Variants in PGBD1 observed in about 807,000 individuals in gnomAD.
The protein encoded by PGBD1 is piggyBac transposable element-derived protein 1.
PGBD1 carries 25 observed loss-of-function variants against 34.7 expected under a neutral mutation model. The observed-to-expected ratio is 0.72, with a 90% confidence interval of 0.52 to 1.00. PGBD1 has a LOEUF of 1.00. Among genes scored for constraint, PGBD1 ranks in the 50% least tolerant of loss-of-function variants. The probability of loss-of-function intolerance (pLI) is 0.00; values close to 1 mark genes in which losing one functional copy is unlikely to be tolerated. For synonymous variants in PGBD1, 292 were observed against 335.7 expected (o/e 0.87, Z 1.42); for missense variants, 830 against 959.4 (o/e 0.87, Z 1.78).
At chr6:28,297,052 CT>C in intron 5 of PGBD1, 107 bp downstream of exon 5, 12 of 1,281,626 alleles carry the variant, frequency 9.4e-6, no homozygotes, top group Non-Finnish European at 1.3e-5. Context: ...CACACCCTTC[CT>C]TTCCCTTCTT....
chr6:28,291,600 TAGG>T (rs910813392), intron 4 of PGBD1, among the ~76,000 whole-genome samples: 1 of 149,558 alleles, frequency 6.7e-6, no homozygotes, highest in Non-Finnish European at 1.5e-5. Flanking sequence ...AAATTCATTC[TAGG>T]AGGCCAGCAT....
Position 28,301,557 on chromosome 6 carries a change from A to G in PGBD1, c.1703A>G (p.Tyr568Cys). Reference sequence around the variant, plus strand: ...AATGGAAAGCCTATTAGAATTGGCTATAAAATTTGGTGTGGTACAACCACA... The same window carrying G: ...AATGGAAAGCCTATTAGAATTGGCTGTAAAATTTGGTGTGGTACAACCACA... The part of the protein sequence containing the change: ...FLNGKPIRIG[Y>C]KIWCGTTTQG... The change falls in exon 7 of 7, where the codon TAT (tyrosine) becomes TGT (cysteine). Residue 568 changes from tyrosine (Y) to cysteine (C), a missense_variant. By Grantham distance (194) the Tyr-to-Cys change is radical. Coordinates refer to ENST00000682144, the MANE Select transcript of PGBD1 (RefSeq NM_032507.4). 6.2e-7 allele frequency: 1 copy of G among 1,614,182 alleles called. No individual in the cohort carries two copies. Among genetic ancestry groups the G allele is most frequent in the Non-Finnish European group, 8.5e-7 (1 of 1,180,028 alleles).
chr6:28,291,054 G>A (rs1266674130), intron 4 of PGBD1, among the ~76,000 whole-genome samples: 3 of 106,328 alleles, frequency 2.8e-5, no homozygotes, highest in African/African-American at 1.1e-4. Context: ...AGAAAAGCAA[G>A]AACAAACCAA....
intron 3 of PGBD1, among the ~76,000 whole-genome samples, chr6:28,286,154 C>A (rs569094852): frequency 3.4e-4 from 51 of 152,204 alleles, no homozygotes; most frequent in Admixed American, 3.1e-3. Flanking sequence ...TTTTTTCCAG[C>A]AAACTTTATT....
At chr6:28,287,206 T>C in intron 4 of PGBD1, 38 bp downstream of exon 4, 7 of 1,510,144 alleles carry the variant, frequency 4.6e-6, no homozygotes, top group Non-Finnish European at 5.5e-6. Context: ...ATATCAGTAG[T>C]GGTCTTTCTC....
At chr6:28,283,370 A>G (rs1178699962) in intron 1 of PGBD1, among the ~76,000 whole-genome samples, 1 of 152,252 alleles carries the variant, frequency 6.6e-6, no homozygotes, top group Non-Finnish European at 1.5e-5. Flanking sequence ...GACTTTGGAA[A>G]CATTCTGTTA....
rs771253486 is a variant in PGBD1 at position 28,283,923 on chromosome 6, C to T, written c.110C>T (p.Ser37Phe). The T allele has an allele frequency of 4.3e-6, 7 of 1,614,056 alleles. No homozygotes were observed. In the African/African-American group the frequency reaches 9.3e-5, roughly 22 times the overall value. The change falls in exon 2 of 7, where the codon TCC (serine) becomes TTC (phenylalanine). Residue 37 changes from serine to phenylalanine, a missense_variant. Physicochemically the swap from Ser to Phe is radical, Grantham distance 155. Around this residue, in one of 3 missense-constraint regions of PGBD1, gnomAD observed 457 missense variants for 515.4 expected, o/e 0.89. Transcript: ENST00000682144. ...EQVCNSQEGS[S>F]HTQEICRLRF... The stretch of plus-strand genomic sequence containing the variant: ...GTGTGCAACTCACAGGAGGGCAGCT[C>T]CCACACTCAGGAGATTTGCCGCCTG...
At chr6:28,297,816 GTTTTTTTTTTTTTTT>G (rs368634720) in intron 5 of PGBD1, 64 bp from the exon 6 acceptor site, 8 of 350,502 alleles carry the variant, frequency 2.3e-5, no homozygotes, top group East Asian at 5.8e-5. Context: ...TACCCTGGAA[GTTTTTTTTTTTTTTT>G]TTTTTTTTTT....
chr6:28,283,671 C>T (rs1762193437), intron 1 of PGBD1, 105 bp from the exon 2 acceptor site: 1 of 1,013,392 alleles, frequency 9.9e-7, no homozygotes, highest in Non-Finnish European at 1.4e-6. Context: ...GCATTACCTA[C>T]AGTGGGGACA....
intron 1 of PGBD1, among the ~76,000 whole-genome samples, chr6:28,282,918 C>G (rs906894701): frequency 3.9e-5 from 6 of 152,188 alleles, no homozygotes; most frequent in Non-Finnish European, 5.9e-5. Flanking sequence ...TGATGCATGT[C>G]TACTGTTTTT....
chr6:28,284,334 G>A (rs991636493), intron 2 of PGBD1, 125 bp downstream of exon 2: 6 of 1,121,216 alleles, frequency 5.4e-6, no homozygotes, highest in East Asian at 2.8e-5. Context: ...GAGAACTCCC[G>A]TAAAACTCTT....
At position 28,283,726 on chromosome 6, in the gene PGBD1, G is replaced by T. The variant is rs568347335; in HGVS notation, c.-38-50G>T. The stretch of plus-strand genomic sequence containing the variant: ...TACAGTTTTGAAGCTCTTATAATTT[G>T]CATGTTGCTGATAAATTCTTATGCC... On this transcript the variant is annotated intron_variant, in intron 1 of 6. Transcript: ENST00000682144. The T allele has an allele frequency of 2.4e-4, 342 of 1,455,208 alleles. 1 individual carries two copies. The highest frequency in any genetic ancestry group is 1.8e-4 in the Non-Finnish European group (198 of 1,091,322). The allele number at this position is 1,455,208 out of a possible 1,614,324, so 90.1% of individuals were successfully genotyped here. A position where few individuals can be genotyped will look rare whatever the true frequency, so the allele number is the denominator to read the frequency against.
chr6:28,293,604 T>C (rs964621466), intron 4 of PGBD1, among the ~76,000 whole-genome samples: 2 of 152,232 alleles, frequency 1.3e-5, no homozygotes, highest in Non-Finnish European at 2.9e-5. Flanking sequence ...AACGTGACAC[T>C]CTGTGTCACA....
rs1762833258 is a variant in PGBD1, at chr6:28,301,334, A to G, written c.1480A>G (p.Arg494Gly). 3 of 1,614,180 alleles carry G rather than the reference A, an allele frequency of 1.9e-6. No individual in the cohort carries two copies. The highest frequency in any genetic ancestry group is 2.2e-5 in the East Asian group (1 of 44,868). ...TCAGAACCTGGTTAGAGATGCAATC[A>G]GAAGGGACAGATTTGAATTGATTTT... ...TDQNLVRDAI[R>G]RDRFELIFSN... The change falls in exon 7 of 7, where the codon AGA (arginine) becomes GGA (glycine). Residue 494 changes from arginine to glycine, a missense_variant. By Grantham distance (125) the Arg-to-Gly change is moderately radical. Coordinates refer to ENST00000682144, the MANE Select transcript of PGBD1 (RefSeq NM_032507.4).
In PGBD1 at chr6:28,301,220, GA is replaced by G; in HGVS notation, c.1369del (p.Met457Ter). Reference sequence around the variant, plus strand: ...TGTCAGCTTGGAAGTCACAGTTCAGGAAATGAGGTGTGTGTTTGGTGTCTTA... The same window carrying G: ...TGTCAGCTTGGAAGTCACAGTTCAGGAATGAGGTGTGTGTTTGGTGTCTTA... Reference protein sequence around the residue: ...KNVSLEVTVQEMRCVFGVLLL... With the variant: ...KNVSLEVTVQXMRCVFGVLLL... On this transcript the variant is annotated frameshift_variant, in exon 7 of 7. Transcript: ENST00000682144. LOFTEE classifies it low-confidence loss of function (END_TRUNC). 1 of 1,614,112 alleles carries G rather than the reference GA, an allele frequency of 6.2e-7. No homozygotes were observed. The highest frequency in any genetic ancestry group is 8.5e-7 in the Non-Finnish European group (1 of 1,180,030).
chr6:28,301,037 A>G lies in PGBD1; in HGVS notation c.1183A>G (p.Ile395Val), dbSNP rs1441657872. 2 of 1,614,234 alleles carry G rather than the reference A, an allele frequency of 1.2e-6. No individual in the cohort carries two copies. The highest frequency in any genetic ancestry group is 8.5e-7 in the Non-Finnish European group (1 of 1,180,038). ...FPEKSWTKRDIKPNFPSWSAL... is the reference protein window; with the variant it reads ...FPEKSWTKRDVKPNFPSWSAL... ...AGAAAAGAGTTGGACCAAAAGAGAC[A>G]TTAAACCCAATTTTCCAAGCTGGTC... is the stretch of plus-strand genomic sequence containing the variant. Residue 395 changes from isoleucine to valine, a missense_variant, in exon 7 of 7, where the codon ATT becomes GTT. This residue lies in a region of PGBD1 where 457 missense variants were observed against 515.4 expected (regional missense o/e 0.89). Coordinates refer to ENST00000682144, the MANE Select transcript of PGBD1 (RefSeq NM_032507.4).
Position 28,300,666 on chromosome 6 carries a change from C to A in PGBD1, c.870-58C>A. 53 of 1,441,682 alleles carry A rather than the reference C, an allele frequency of 3.7e-5. No individual in the cohort carries two copies. The highest frequency in any genetic ancestry group is 6.4e-5 in the Admixed American group (3 of 46,876). The allele number at this position is 1,441,682 out of a possible 1,614,324, so 89.3% of individuals were successfully genotyped here. ...AAGATTTAAGCTTCAGCAGATTTAT[C>A]ATGTGTGAGAGAATATGATTGAGGA... On this transcript the variant is annotated intron_variant, in intron 6 of 6. Transcript: ENST00000682144. The surrounding 1 kb of genome is among the most constrained non-coding windows in gnomAD (Gnocchi z 4.0).
At chr6:28,293,871 A>T (rs905921187) in intron 4 of PGBD1, among the ~76,000 whole-genome samples, 37 of 152,194 alleles carry the variant, frequency 2.4e-4, no homozygotes, top group African/African-American at 8.9e-4. Flanking sequence ...GCCATTTATA[A>T]TACTACTACT....
At chr6:28,290,377 T>C (rs1002714179) in intron 4 of PGBD1, among the ~76,000 whole-genome samples, 1 of 152,116 alleles carries the variant, frequency 6.6e-6, no homozygotes. Context: ...ATTACAGGCG[T>C]GAGACACCAT....
Sources: allele counts gnomAD v4.1 joint callset (sites outside exome capture counted in the v4.1 genomes callset), GRCh38; gene constraint gnomAD v4.1.1; regional missense constraint gnomAD v4.1.1; non-coding constraint Gnocchi (gnomAD v3.1); transcripts MANE v1.5; gene names NCBI Gene and HGNC (gene_info 2026-07-23, HGNC 2026-07-21).